Variants in ATP6V1A observed in about 807,000 individuals in gnomAD.
ATP6V1A encodes the protein ATPase H+ transporting V1 subunit A.
Under a neutral mutation model 70.1 loss-of-function variants are expected in ATP6V1A, and 18 were observed. The observed-to-expected ratio is 0.26, with a 90% CI of 0.18 to 0.38. The LOEUF (loss-of-function observed/expected upper bound fraction) is 0.38. Ranked by LOEUF, ATP6V1A falls within the 10% of genes least tolerant of loss-of-function variation. The pLI is 1.00. For synonymous variants in ATP6V1A, 232 were observed against 253.8 expected, an observed-to-expected ratio of 0.91 and a Z score of 0.82; for missense variants, 424 against 772.4, an observed-to-expected ratio of 0.55 and a Z score of 5.35.
At chr3:113,806,667 C>G (rs1709279296) in intron 14 of ATP6V1A, among the ~76,000 whole-genome samples, 1 of 152,106 alleles carries the variant, frequency 6.6e-6, no homozygotes, top group African/African-American at 2.4e-5. Context: ...ACCATGTTGT[C>G]CAGGCTGGTC....
rs867975945 is a variant in ATP6V1A at position 113,807,042 on chromosome 3, G to A, written c.1761+1517G>A. 3.3e-5 allele frequency among the ~76,000 whole-genome samples: 5 copies of A among 151,994 alleles called. No individual in the cohort carries two copies. The South Asian group carries it at 1.0e-3, about 32-fold the overall frequency. On this transcript the variant is annotated intron_variant, in intron 14 of 14. Coordinates refer to ENST00000273398, the MANE Select transcript of ATP6V1A (RefSeq NM_001690.4). ...ATTGAAAGTAAACCTGTACAAATAG[G>A]TAAGCACTACATTGAGAGTTTAAAA...
chr3:113,753,862 A>AT (rs1479405635), intron 1 of ATP6V1A, among the ~76,000 whole-genome samples: 2 of 151,878 alleles, frequency 1.3e-5, no homozygotes, highest in Non-Finnish European at 2.9e-5. Flanking sequence ...CACCTGGCTA[A>AT]TTTTTTGTAT....
chr3:113,804,639 T>C (rs1309657293), intron 13 of ATP6V1A, among the ~76,000 whole-genome samples: 1 of 152,216 alleles, frequency 6.6e-6, no homozygotes, highest in Non-Finnish European at 1.5e-5. Context: ...TGTATATCAG[T>C]AAGCCCCAGA....
intron 5 of ATP6V1A, among the ~76,000 whole-genome samples, chr3:113,785,506 CTTTTTTTTTTTTTT>C (rs987781968): frequency 9.3e-6 from 1 of 107,174 alleles, no homozygotes; most frequent in Non-Finnish European, 1.8e-5. Flanking sequence ...TTTTTCTTTT[CTTTTTTTTTTTTTT>C]TTTTTTGAGA....
In ATP6V1A at chr3:113,781,322, G is replaced by T. The variant is rs775286299; in HGVS notation, c.211+144G>T. 5.6e-4 allele frequency: 495 copies of T among 884,878 alleles called. 2 individuals carry two copies. Among genetic ancestry groups the T allele is most frequent in the Non-Finnish European group, 7.7e-4 (476 of 618,470 alleles). 54.8% of individuals were successfully genotyped at this position (884,878 alleles called of 1,614,324 possible). ...ACCTGAGGTCAGGAATTTGAGACCA[G>T]CCTGGCCAACATGGTGAAACTCCAT... On this transcript the variant is annotated intron_variant, in intron 3 of 14. Coordinates refer to ENST00000273398, the MANE Select transcript of ATP6V1A (RefSeq NM_001690.4).
At chr3:113,752,124 C>G (rs1708594051) in intron 1 of ATP6V1A, among the ~76,000 whole-genome samples, 1 of 151,754 alleles carries the variant, frequency 6.6e-6, no homozygotes, top group Admixed American at 6.6e-5. Context: ...CTGCAACATG[C>G]CACATTTTGT....
chr3:113,749,263 TCACA>T (rs58516178), intron 1 of ATP6V1A, among the ~76,000 whole-genome samples: 21,469 of 140,968 alleles, frequency 0.15, 1,605 homozygotes, highest in Middle Eastern at 0.21. Context: ...TATACACAGA[TCACA>T]CACACACACA....
chr3:113,759,348 A>G (rs1009717757), intron 1 of ATP6V1A, among the ~76,000 whole-genome samples: 4 of 151,110 alleles, frequency 2.6e-5, no homozygotes, highest in African/African-American at 2.4e-5. Context: ...TTGAAAAGAC[A>G]ATATGCTTTC....
At position 113,782,546 on chromosome 3, in the gene ATP6V1A, A is replaced by C. The variant is rs561620574; in HGVS notation, c.211+1368A>C. Among the ~76,000 whole-genome samples, 271 of 145,806 alleles carry C rather than the reference A, an allele frequency of 1.9e-3. 1 individual carries two copies. The highest frequency in any genetic ancestry group is 5.3e-3 in the East Asian group (27 of 5,086). On this transcript the variant is annotated intron_variant, in intron 3 of 14. Transcript: ENST00000273398. The stretch of plus-strand genomic sequence containing the variant: ...CCTTTCTCTCTCTCTCTCTCTCTAT[A>C]TATATATATACATGTGTATATATAT...
At chr3:113,750,598 G>T (rs931653134) in intron 1 of ATP6V1A, among the ~76,000 whole-genome samples, 4 of 152,200 alleles carry the variant, frequency 2.6e-5, no homozygotes, top group Admixed American at 6.5e-5. Flanking sequence ...TGAAGTTCTG[G>T]CCCTACCACT....
At position 113,797,491 on chromosome 3, in the gene ATP6V1A, G is replaced by A. The variant is rs1479372727; in HGVS notation, c.1291-752G>A. ...GGCTGGTCTCGAACTCCTGACCTCA[G>A]GTGATCCACCTGCCTCAGCCTCCCA... On this transcript the variant is annotated intron_variant, in intron 11 of 14. Transcript: ENST00000273398. 2.6e-5 allele frequency among the ~76,000 whole-genome samples: 4 copies of A among 151,302 alleles called. No individual in the cohort carries two copies. The East Asian group carries it at 7.8e-4, about 30-fold the overall frequency.
chr3:113,789,945 G>A (rs559255580), intron 8 of ATP6V1A, 105 bp downstream of exon 8: 1 of 799,122 alleles, frequency 1.3e-6, no homozygotes, highest in East Asian at 2.6e-5. Context: ...AAATATCTCT[G>A]TACATATAAG....
intron 14 of ATP6V1A, 25 bp from the exon 15 acceptor site, chr3:113,809,310 T>C (rs768069450): frequency 6.3e-7 from 1 of 1,584,966 alleles, no homozygotes; most frequent in Non-Finnish European, 8.6e-7. Flanking sequence ...CAAATGCGAG[T>C]TGAATTTGTA....
At chr3:113,782,557 C>CGTATATATATAT (rs1708988796) in intron 3 of ATP6V1A, among the ~76,000 whole-genome samples, 1 of 133,250 alleles carries the variant, frequency 7.5e-6, no homozygotes, top group African/African-American at 2.8e-5. Context: ...TATATATATA[C>CGTATATATATAT]ATGTGTATAT....
intron 2 of ATP6V1A, among the ~76,000 whole-genome samples, chr3:113,780,155 C>T (rs1033037320): frequency 6.6e-6 from 1 of 152,062 alleles, no homozygotes; most frequent in African/African-American, 2.4e-5. Context: ...CTTAAGTAGT[C>T]GGCATAGAGG....
At chr3:113,789,375 T>C (rs1709068871) in intron 7 of ATP6V1A, among the ~76,000 whole-genome samples, 1 of 152,070 alleles carries the variant, frequency 6.6e-6, no homozygotes, top group Non-Finnish European at 1.5e-5. Flanking sequence ...AGCCAAACAC[T>C]TGAAAGTTTC....
At chr3:113,798,639 T>TTAAA (rs1259034880) in intron 12 of ATP6V1A, among the ~76,000 whole-genome samples, 193 bp downstream of exon 12, 1 of 152,226 alleles carries the variant, frequency 6.6e-6, no homozygotes, top group African/African-American at 2.4e-5. Context: ...AAAGAAACAT[T>TTAAA]TGATTTACTT....
chr3:113,809,292 T>G (rs373115329), intron 14 of ATP6V1A, 43 bp from the exon 15 acceptor site: 12 of 1,544,944 alleles, frequency 7.8e-6, no homozygotes, highest in African/African-American at 1.4e-5. Context: ...GTAATGAAAA[T>G]TATTTTCCAA....
chr3:113,749,386 A>G (rs1235832435), intron 1 of ATP6V1A, among the ~76,000 whole-genome samples: 1 of 152,024 alleles, frequency 6.6e-6, no homozygotes, highest in Non-Finnish European at 1.5e-5. Context: ...AACATTTATT[A>G]GGGAATTGTG....
Sources: gnomAD v4.1 joint callset for allele counts (sites outside exome capture counted in the v4.1 genomes callset) on GRCh38, gnomAD v4.1.1 for gene constraint, MANE v1.5 for transcripts, NCBI Gene and HGNC (gene_info 2026-07-23, HGNC 2026-07-21) for gene names.